The following DDAH1 variants were observed in gnomAD, a reference collection of about 807,000 sequenced individuals.
DDAH1 encodes the protein dimethylarginine dimethylaminohydrolase 1, also known as N(G),N(G)-dimethylarginine dimethylaminohydrolase 1.
A neutral mutation model predicts 28.8 loss-of-function variants in DDAH1; 19 were observed. The observed-to-expected ratio is 0.66, with a 90% CI of 0.46 to 0.97. DDAH1 has a LOEUF of 0.97. Among genes scored for constraint, DDAH1 ranks in the 50% least tolerant of loss-of-function variants. DDAH1 has a pLI of 0.00. For missense variants in DDAH1, 326 were observed against 375.9 expected (o/e 0.87, Z 1.10); for synonymous variants, 153 against 154.4 (o/e 0.99, Z 0.07).
At chr1:85,437,010 T>C (rs1653972479) in intron 1 of DDAH1, among the ~76,000 whole-genome samples, 1 of 152,274 alleles carries the variant, frequency 6.6e-6, no homozygotes. Flanking sequence ...GGGCCAGTTT[T>C]AGTGGCTCAC....
intron 1 of DDAH1, among the ~76,000 whole-genome samples, chr1:85,574,899 A>C (rs201192129): frequency 0.08 from 12,103 of 151,754 alleles, 706 homozygotes; most frequent in Admixed American, 0.18. Context: ...CTCTATATAT[A>C]TATATATGTA....
At chr1:85,434,204 C>T (rs1232543364) in intron 1 of DDAH1, among the ~76,000 whole-genome samples, 2 of 152,058 alleles carry the variant, frequency 1.3e-5, no homozygotes, top group Non-Finnish European at 2.9e-5. Flanking sequence ...TTACATTTAA[C>T]ATTTTGATCC....
chr1:85,444,447 T>A (rs948035040), intron 1 of DDAH1, among the ~76,000 whole-genome samples: 6 of 152,206 alleles, frequency 3.9e-5, no homozygotes, highest in African/African-American at 1.2e-4. Context: ...TTTGCATTGA[T>A]GTTCATCCAG....
At chr1:85,400,384 A>C (rs1652032385) in intron 1 of DDAH1, among the ~76,000 whole-genome samples, 1 of 150,602 alleles carries the variant, frequency 6.6e-6, no homozygotes, top group Non-Finnish European at 1.5e-5. Flanking sequence ...TTGTATTTTT[A>C]GTAGAGAGAG....
intron 1 of DDAH1, among the ~76,000 whole-genome samples, chr1:85,513,671 C>T (rs1453211721): frequency 2.6e-5 from 4 of 152,126 alleles, no homozygotes; most frequent in Admixed American, 6.5e-5. Context: ...AAACAAACAA[C>T]CCTATCAAAA....
chr1:85,345,652 G>T (rs951166160), intron 4 of DDAH1, among the ~76,000 whole-genome samples: 14 of 152,136 alleles, frequency 9.2e-5, no homozygotes, highest in African/African-American at 3.1e-4. Context: ...ATCACTTGAG[G>T]TCAGGAGTTC....
intron 1 of DDAH1, among the ~76,000 whole-genome samples, chr1:85,525,710 T>C (rs1199173678): frequency 1.2e-4 from 19 of 152,194 alleles, no homozygotes; most frequent in Admixed American, 1.2e-3. Flanking sequence ...AGTTGCTATT[T>C]ATACCCCATC....
intron 4 of DDAH1, among the ~76,000 whole-genome samples, chr1:85,346,758 G>A (rs539453052): frequency 6.6e-6 from 1 of 152,078 alleles, no homozygotes; most frequent in South Asian, 2.1e-4. Context: ...ATTAATAATT[G>A]CCCCATTAGA....
intron 1 of DDAH1, among the ~76,000 whole-genome samples, chr1:85,452,711 T>C (rs1654719431): frequency 6.6e-6 from 1 of 152,092 alleles, no homozygotes; most frequent in Admixed American, 6.5e-5. Context: ...AGGAACTGCA[T>C]ATATGCTTTC....
intron 1 of DDAH1, among the ~76,000 whole-genome samples, chr1:85,418,600 T>C (rs1652989949): frequency 6.6e-6 from 1 of 152,220 alleles, no homozygotes; most frequent in Non-Finnish European, 1.5e-5. Flanking sequence ...TTCAGTTAAA[T>C]GCTCGTTTGC....
At position 85,507,800 on chromosome 1, in the gene DDAH1, T is replaced by C. The variant is rs1329605340; in HGVS notation, c.-122-11519A>G. On this transcript the variant is annotated intron_variant, in intron 1 of 6. Coordinates refer to the DDAH1 transcript ENST00000426972. ...AGCTCCCCCAGTCCTTCTCCCCACATAAAAATGACTTTTGGAGGAATAAAA... is the reference window on the plus strand; with the variant it reads ...AGCTCCCCCAGTCCTTCTCCCCACACAAAAATGACTTTTGGAGGAATAAAA... 1.3e-5 allele frequency among the ~76,000 whole-genome samples: 2 copies of C among 152,166 alleles called. 1 individual carries two copies. Among genetic ancestry groups the C allele is most frequent in the East Asian group, 3.8e-4 (2 of 5,206 alleles).
chr1:85,540,284 T>C (rs1175797341), intron 1 of DDAH1, among the ~76,000 whole-genome samples: 2 of 152,166 alleles, frequency 1.3e-5, no homozygotes, highest in East Asian at 1.9e-4. Context: ...CTCTTTATGT[T>C]CCTTACATTT....
intron 2 of DDAH1, among the ~76,000 whole-genome samples, chr1:85,493,061 A>G (rs908809407): frequency 6.6e-6 from 1 of 152,000 alleles, no homozygotes; most frequent in Non-Finnish European, 1.5e-5. Context: ...TTAAAATTAT[A>G]TTTTATGATC....
chr1:85,520,331 C>G (rs1220749181), intron 1 of DDAH1, among the ~76,000 whole-genome samples: 12 of 152,112 alleles, frequency 7.9e-5, no homozygotes, highest in South Asian at 2.1e-4. Flanking sequence ...GAGATGCTGA[C>G]CTAATGGCAC....
At chr1:85,453,079 C>T (rs745403844) in intron 1 of DDAH1, among the ~76,000 whole-genome samples, 10 of 152,136 alleles carry the variant, frequency 6.6e-5, no homozygotes, top group African/African-American at 9.7e-5. Flanking sequence ...TCAGGGCAGG[C>T]GAGTGTTTCA....
At chr1:85,384,187 T>C (rs1021052789) in intron 1 of DDAH1, among the ~76,000 whole-genome samples, 1 of 152,182 alleles carries the variant, frequency 6.6e-6, no homozygotes, top group African/African-American at 2.4e-5. Context: ...GTTCTGGGAA[T>C]TGTCTGGTTT....
At chr1:85,480,438 A>G (rs1003048944) in intron 2 of DDAH1, among the ~76,000 whole-genome samples, 2 of 152,176 alleles carry the variant, frequency 1.3e-5, no homozygotes, top group African/African-American at 4.8e-5. Context: ...TGGTTTCTCC[A>G]TTCATCATTT....
At chr1:85,397,462 T>G (rs76760931) in intron 1 of DDAH1, among the ~76,000 whole-genome samples, 1,678 of 152,234 alleles carry the variant, frequency 0.011, 52 homozygotes, top group Admixed American at 0.058. Flanking sequence ...AAGGAAAAAG[T>G]AAGGGTTTTT....
At chr1:85,411,589 C>G (rs1195875218) in intron 1 of DDAH1, among the ~76,000 whole-genome samples, 1 of 152,168 alleles carries the variant, frequency 6.6e-6, no homozygotes, top group African/African-American at 2.4e-5. Context: ...AAATGGCTGT[C>G]CTGTATACAT....
Sources: gnomAD v4.1 joint callset for allele counts (sites outside exome capture counted in the v4.1 genomes callset) on GRCh38, gnomAD v4.1.1 for gene constraint, MANE v1.5 for transcripts, NCBI Gene and HGNC (gene_info 2026-07-23, HGNC 2026-07-21) for gene names.